Variants in SOX5 observed in about 807,000 individuals in gnomAD.
The protein encoded by SOX5 is transcription factor SOX-5.
SOX5 carries 9 observed loss-of-function variants against 92.0 expected under a neutral mutation model. That is an observed-to-expected ratio of 0.10 (90% CI 0.06 to 0.17). The LOEUF (loss-of-function observed/expected upper bound fraction) is 0.17, where lower values mean the gene tolerates loss of function less well. SOX5 is among the 10% of genes least tolerant of loss of function. The pLI is 1.00. For synonymous variants in SOX5, 344 were observed against 336.3 expected, an observed-to-expected ratio of 1.02 and a Z score of -0.25; for missense variants, 642 against 944.5, an observed-to-expected ratio of 0.68 and a Z score of 4.20.
chr12:24,134,113 G>C (rs1192199317), intron 4 of SOX5, among the ~76,000 whole-genome samples: 3 of 152,044 alleles, frequency 2.0e-5, no homozygotes. Context: ...TTGCAGACAG[G>C]TTGATAAATG....
intron 4 of SOX5, among the ~76,000 whole-genome samples, chr12:24,198,101 T>C (rs991408384): frequency 3.9e-5 from 6 of 152,216 alleles, no homozygotes; most frequent in Non-Finnish European, 7.3e-5. Flanking sequence ...ATTAATCTTA[T>C]TGTGCTACTC....
intron 4 of SOX5, among the ~76,000 whole-genome samples, chr12:24,076,914 A>G (rs1417528420): frequency 6.6e-6 from 1 of 152,152 alleles, no homozygotes; most frequent in East Asian, 1.9e-4. Flanking sequence ...TCTCCTTTAC[A>G]GTATTCCTTA....
At chr12:23,903,722 T>C (rs2097261657) in intron 1 of SOX5, among the ~76,000 whole-genome samples, 1 of 152,238 alleles carries the variant, frequency 6.6e-6, no homozygotes, top group African/African-American at 2.4e-5. Flanking sequence ...CCTTAAGTTT[T>C]TCGAGTAGCA....
chr12:23,814,556 G>A (rs2095947775), intron 3 of SOX5, among the ~76,000 whole-genome samples: 1 of 152,138 alleles, frequency 6.6e-6, no homozygotes, highest in Non-Finnish European at 1.5e-5. Context: ...CAATTTTTCT[G>A]AAAATTTCCC....
intron 4 of SOX5, among the ~76,000 whole-genome samples, chr12:24,061,679 C>G (rs1396018462): frequency 6.6e-6 from 1 of 151,458 alleles, no homozygotes; most frequent in Admixed American, 6.6e-5. Context: ...TAATTAAGTC[C>G]CTAGTCATAA....
chr12:24,317,804 G>T (rs1015167484), intron 2 of SOX5, among the ~76,000 whole-genome samples: 1 of 152,036 alleles, frequency 6.6e-6, no homozygotes, highest in Non-Finnish European at 1.5e-5. Flanking sequence ...TACACTCTTT[G>T]TTAACACTCT....
At chr12:24,167,751 T>C (rs1296876808) in intron 4 of SOX5, among the ~76,000 whole-genome samples, 1 of 152,260 alleles carries the variant, frequency 6.6e-6, no homozygotes, top group African/African-American at 2.4e-5. Flanking sequence ...CTCTTTATTT[T>C]CTTAACAAAC....
chr12:24,069,893 T>A (rs1043134970), intron 4 of SOX5, among the ~76,000 whole-genome samples: 7 of 152,164 alleles, frequency 4.6e-5, no homozygotes, highest in African/African-American at 1.7e-4. Flanking sequence ...AATCTACAGC[T>A]ACTACACAAA....
chr12:24,418,564 A>G (rs896440302), intron 1 of SOX5, among the ~76,000 whole-genome samples: 5 of 152,220 alleles, frequency 3.3e-5, no homozygotes, highest in Admixed American at 6.5e-5. Context: ...TGCAGATGCT[A>G]TCTGCATCCA....
chr12:24,105,776 C>G (rs1007515734), intron 4 of SOX5, among the ~76,000 whole-genome samples: 1 of 152,042 alleles, frequency 6.6e-6, no homozygotes, highest in South Asian at 2.1e-4. Flanking sequence ...ATAGTCAGAG[C>G]AGGAGAATTA....
chr12:24,122,811 T>G (rs1453242650), intron 4 of SOX5, among the ~76,000 whole-genome samples: 2 of 152,064 alleles, frequency 1.3e-5, no homozygotes, highest in Non-Finnish European at 2.9e-5. Flanking sequence ...TTTCTGTAAG[T>G]GAATTAGAGG....
At chr12:24,277,893 TC>T (rs1403749677) in intron 2 of SOX5, among the ~76,000 whole-genome samples, 3 of 152,178 alleles carry the variant, frequency 2.0e-5, no homozygotes, top group Non-Finnish European at 4.4e-5. Flanking sequence ...TTTCATTCCA[TC>T]ACTGCTATGT....
chr12:23,536,317 C>T, intron 14 of SOX5, 136 bp downstream of exon 14: 2 of 685,132 alleles, frequency 2.9e-6, no homozygotes. Context: ...ATGTGGGAGA[C>T]TATTTGTCTC....
upstream of SOX5, chr12:23,951,103 A>C: frequency 8.1e-6 from 4 of 496,398 alleles, no homozygotes; most frequent in Non-Finnish European, 1.5e-5. Context: ...AGGAAAAAAA[A>C]GCCTTCCATT....
chr12:23,680,533 A>T (rs1291597523), intron 6 of SOX5, among the ~76,000 whole-genome samples: 1 of 151,814 alleles, frequency 6.6e-6, no homozygotes, highest in African/African-American at 2.4e-5. Context: ...TGGTTTAACA[A>T]ATGCTTGGTC....
chr12:24,466,031 G>C (rs551204512), intron 1 of SOX5, among the ~76,000 whole-genome samples: 1 of 152,046 alleles, frequency 6.6e-6, no homozygotes, highest in South Asian at 2.1e-4. Context: ...TGCAGGAAAG[G>C]GTTTTTTAAG....
chr12:24,410,018 A>G (rs997600898), intron 1 of SOX5, among the ~76,000 whole-genome samples: 15 of 149,672 alleles, frequency 1.0e-4, no homozygotes, highest in African/African-American at 3.7e-4. Flanking sequence ...TTTTTTTTTA[A>G]ACAGGGTCTC....
chr12:24,085,912 A>T, intron 4 of SOX5, among the ~76,000 whole-genome samples: 1 of 151,894 alleles, frequency 6.6e-6, no homozygotes, highest in Admixed American at 6.6e-5. Context: ...CCCACAGGTA[A>T]GATAAACATC....
At position 23,946,848 on chromosome 12, in the gene SOX5, T is replaced by C. The variant is rs1164589852; in HGVS notation, c.38+2716A>G. On this transcript the variant is annotated intron_variant, in intron 1 of 14. Transcript: ENST00000451604. ...TCACAAGAATGCTTGAAAATAAAAATATTTCAAGTTCTTTACCTTTTAGAA... is the reference window on the plus strand; with the variant it reads ...TCACAAGAATGCTTGAAAATAAAAACATTTCAAGTTCTTTACCTTTTAGAA... Among the ~76,000 whole-genome samples, 3 of 152,094 alleles carry C rather than the reference T, an allele frequency of 2.0e-5. No homozygotes were observed. In the East Asian group the frequency reaches 5.8e-4, roughly 29 times the overall value.
Sources: gnomAD v4.1 joint callset for allele counts (sites outside exome capture counted in the v4.1 genomes callset) on GRCh38, gnomAD v4.1.1 for gene constraint, MANE v1.5 for transcripts, NCBI Gene and HGNC (gene_info 2026-07-23, HGNC 2026-07-21) for gene names.